Variants in ZPLD1 observed in about 807,000 individuals in gnomAD.
ZPLD1 encodes zona pellucida like domain containing 1, also known as zona pellucida-like domain-containing protein 1.
ZPLD1 carries 34 observed loss-of-function variants against 47.2 expected under a neutral mutation model. The observed-to-expected ratio is 0.72, with a 90% CI of 0.55 to 0.96. The LOEUF is 0.96. Among genes scored for constraint, ZPLD1 ranks in the 40% least tolerant of loss-of-function variants. ZPLD1 has a pLI of 0.00. For missense variants in ZPLD1, 512 were observed against 505.8 expected, an observed-to-expected ratio of 1.01 and a Z score of -0.12; for synonymous variants, 176 against 186.2, an observed-to-expected ratio of 0.95 and a Z score of 0.45.
At chr3:102,468,432 T>TGAC (rs1388346965) in intron 8 of ZPLD1, among the ~76,000 whole-genome samples, 1 of 152,160 alleles carries the variant, frequency 6.6e-6, no homozygotes, top group African/African-American at 2.4e-5. Flanking sequence ...ATGTCCATGA[T>TGAC]GAAATACTAT....
intron 3 of ZPLD1, among the ~76,000 whole-genome samples, chr3:102,448,070 C>T (rs767043500): frequency 7.9e-5 from 12 of 151,966 alleles, no homozygotes; most frequent in Non-Finnish European, 1.6e-4. Context: ...AACCATTGCC[C>T]GATAGATGGA....
rs770785388 is a variant in ZPLD1, at chr3:102,469,041, G to A, written c.839G>A (p.Arg280Gln). The change falls in exon 9 of 12, where the codon CGA becomes CAA. Residue 280 changes from arginine (R) to glutamine (Q), a missense_variant. Arg to Gln is a conservative substitution (Grantham distance 43, BLOSUM62 1). Coordinates refer to ENST00000466937, the MANE Select transcript of ZPLD1 (RefSeq NM_001329788.2). ...QRGRFSFEVF[R>Q]FVKHKNQKMS... ...GGCCGGTTTTCTTTTGAAGTGTTCC[G>A]ATTTGTGAAACACAAGAATCAGAAA... 5.0e-6 allele frequency: 8 copies of A among 1,614,004 alleles called. No individual in the cohort carries two copies. Among genetic ancestry groups the A allele is most frequent in the Admixed American group, 1.7e-5 (1 of 60,008 alleles).
chr3:102,404,130 GA>G (rs1301538564), intron 7 of ZPLD1, among the ~76,000 whole-genome samples: 1 of 151,892 alleles, frequency 6.6e-6, no homozygotes, highest in Middle Eastern at 3.2e-3. Context: ...GCTTCAATAA[GA>G]GTGCTCCTTA....
At chr3:102,401,257 G>A (rs1341810708) in intron 7 of ZPLD1, among the ~76,000 whole-genome samples, 1 of 152,072 alleles carries the variant, frequency 6.6e-6, no homozygotes. Context: ...ATATATGTAT[G>A]TGTGTGTTTA....
At chr3:102,421,991 T>C (rs912045981) in intron 8 of ZPLD1, among the ~76,000 whole-genome samples, 1 of 152,144 alleles carries the variant, frequency 6.6e-6, no homozygotes, top group African/African-American at 2.4e-5. Flanking sequence ...TGATTTTAGT[T>C]TGATTGATGT....
At chr3:102,407,069 T>C (rs1200237273) in intron 7 of ZPLD1, among the ~76,000 whole-genome samples, 2 of 151,750 alleles carry the variant, frequency 1.3e-5, no homozygotes, top group Non-Finnish European at 2.9e-5. Flanking sequence ...TAAGGTGTGA[T>C]TCTCCTCAAA....
chr3:102,468,886 C>T (rs540616632), intron 8 of ZPLD1, 78 bp from the exon 9 acceptor site: 75 of 1,392,158 alleles, frequency 5.4e-5, no homozygotes, highest in East Asian at 3.9e-4. Flanking sequence ...AGTCTTAATA[C>T]GGTAGAAATT....
Position 102,438,546 on chromosome 3 carries a change from A to G in ZPLD1, c.59A>G (p.Gln20Arg), listed in dbSNP as rs759215236. The change falls in exon 3 of 12, where the codon CAG becomes CGG. Residue 20 changes from glutamine (Q) to arginine (R), a missense_variant. Physicochemically the swap from Gln to Arg is conservative, Grantham distance 43 (BLOSUM62 1). Coordinates refer to ENST00000466937, the MANE Select transcript of ZPLD1 (RefSeq NM_001329788.2). Reference protein sequence around the residue: ...LTIRVLPGSAQFNGYNCDANL... With the variant: ...LTIRVLPGSARFNGYNCDANL... ...ATTAGAGTGCTTCCGGGGTCTGCTC[A>G]GTTCAACGGCTACAACTGTGATGCC... 21 of 1,613,904 alleles carry G rather than the reference A, an allele frequency of 1.3e-5. No individual in the cohort carries two copies. In the African/African-American group the frequency reaches 2.3e-4, roughly 17 times the overall value.
chr3:102,443,863 A>G (rs182277837), intron 3 of ZPLD1, among the ~76,000 whole-genome samples: 19 of 152,322 alleles, frequency 1.2e-4, no homozygotes, highest in African/African-American at 3.6e-4. Flanking sequence ...GGAAAGGCCA[A>G]TTCTCCTTTA....
At chr3:102,390,946 AT>A (rs1706488344) in intron 6 of ZPLD1, among the ~76,000 whole-genome samples, 1 of 152,142 alleles carries the variant, frequency 6.6e-6, no homozygotes, top group Non-Finnish European at 1.5e-5. Flanking sequence ...GAAAAAAAAA[AT>A]GTCAGAAAAG....
In ZPLD1 at chr3:102,462,270, T is replaced by C; in HGVS notation, c.583-11T>C. The C allele has an allele frequency of 6.4e-7, 1 of 1,566,284 alleles. No individual in the cohort carries two copies. On this transcript the variant is annotated splice_polypyrimidine_tract_variant and intron_variant, in intron 6 of 11. Transcript: ENST00000466937. ...GAGGTAATAATAGATTTTTTATTGT[T>C]TCATCATTAGGATTCAACCTACAAC...
At position 102,479,148 on chromosome 3, in the gene ZPLD1, C is replaced by A. The variant is rs1707802522; in HGVS notation, c.*1530C>A. 1 of 151,992 alleles carries A rather than the reference C, an allele frequency of 6.6e-6. No individual in the cohort carries two copies. Among genetic ancestry groups the A allele is most frequent in the Non-Finnish European group, 1.5e-5 (1 of 67,996 alleles). 9.4% of individuals were successfully genotyped at this position (151,992 alleles called of 1,614,324 possible). ...ACTTTTTATTTCAAGGTATAGTTGC[C>A]AAGTAAAGTGGGATCTGGAAAGTCT... On this transcript the variant is annotated 3_prime_UTR_variant, in exon 12 of 12. Coordinates refer to ENST00000466937, the MANE Select transcript of ZPLD1 (RefSeq NM_001329788.2).
chr3:102,439,154 A>G (rs1304150242), intron 3 of ZPLD1, among the ~76,000 whole-genome samples: 1 of 152,228 alleles, frequency 6.6e-6, no homozygotes, highest in Non-Finnish European at 1.5e-5. Flanking sequence ...AAGTTACTCA[A>G]GGTTTTACCT....
chr3:102,475,894 T>C (rs1707751847), intron 10 of ZPLD1, among the ~76,000 whole-genome samples: 1 of 152,186 alleles, frequency 6.6e-6, no homozygotes, highest in Non-Finnish European at 1.5e-5. Context: ...CTTAAAATAC[T>C]AATCCTAGAG....
At chr3:102,452,816 TAAAC>T (rs1401466901) in intron 3 of ZPLD1, 99 bp from the exon 4 acceptor site, 32 of 1,311,390 alleles carry the variant, frequency 2.4e-5, no homozygotes, top group East Asian at 1.7e-4. Context: ...AAAAATGAGT[TAAAC>T]AGACAAAGGA....
At chr3:102,430,991 C>T (rs1403473868), upstream of ZPLD1, among the ~76,000 whole-genome samples, 1 of 152,090 alleles carries the variant, frequency 6.6e-6, no homozygotes, top group Non-Finnish European at 1.5e-5. Flanking sequence ...ATAAAATGTG[C>T]AAATATCTTG....
At chr3:102,440,492 A>G (rs905301271) in intron 3 of ZPLD1, among the ~76,000 whole-genome samples, 5 of 152,166 alleles carry the variant, frequency 3.3e-5, no homozygotes, top group African/African-American at 7.2e-5. Flanking sequence ...GGACACTTGC[A>G]TGTTTTAGAA....
chr3:102,390,698 G>C (rs1207402451), intron 6 of ZPLD1, among the ~76,000 whole-genome samples: 1 of 152,200 alleles, frequency 6.6e-6, no homozygotes, highest in African/African-American at 2.4e-5. Context: ...TGATAAAGTT[G>C]TGGCATTTGA....
chr3:102,444,651 A>T (rs1309565404), intron 3 of ZPLD1, among the ~76,000 whole-genome samples: 1 of 152,178 alleles, frequency 6.6e-6, no homozygotes, highest in African/African-American at 2.4e-5. Flanking sequence ...ATTATGGTTT[A>T]AAAAGATGGT....
Sources: allele counts gnomAD v4.1 joint callset (sites outside exome capture counted in the v4.1 genomes callset), GRCh38; gene constraint gnomAD v4.1.1; transcripts MANE v1.5; gene names NCBI Gene and HGNC (gene_info 2026-07-23, HGNC 2026-07-21).